Variants in CACNA2D1 observed in about 807,000 individuals in gnomAD.
The protein encoded by CACNA2D1 is voltage-dependent calcium channel subunit alpha-2/delta-1.
CACNA2D1 carries 53 observed loss-of-function variants against 171.5 expected under a neutral mutation model. That is an observed-to-expected ratio of 0.31 (90% confidence interval 0.25 to 0.39). The LOEUF (loss-of-function observed/expected upper bound fraction) is 0.39, where lower values mean the gene tolerates loss of function less well. CACNA2D1 is among the 10% of genes least tolerant of loss of function. The probability of loss-of-function intolerance (pLI) is 1.00; values close to 1 mark genes in which losing one functional copy is unlikely to be tolerated. For missense variants in CACNA2D1, 903 were observed against 1,299.8 expected (o/e 0.69, Z 4.69); for synonymous variants, 442 against 443.1 (o/e 1.00, Z 0.03).
chr7:82,317,957 A>G (rs1815317704), intron 3 of CACNA2D1, among the ~76,000 whole-genome samples: 1 of 151,292 alleles, frequency 6.6e-6, no homozygotes, highest in Admixed American at 6.6e-5. Flanking sequence ...GCTGACCTCC[A>G]TGGTTTACTT....
intron 4 of CACNA2D1, among the ~76,000 whole-genome samples, chr7:82,154,119 G>A (rs903617775): frequency 2.0e-5 from 3 of 152,100 alleles, no homozygotes; most frequent in Non-Finnish European, 4.4e-5. Context: ...CTGTAGGACC[G>A]TGAAAAACAT....
At chr7:82,320,952 T>C (rs1815755028) in intron 3 of CACNA2D1, among the ~76,000 whole-genome samples, 1 of 152,088 alleles carries the variant, frequency 6.6e-6, no homozygotes. Context: ...TTTATATATA[T>C]ATAAAGCCAA....
At chr7:81,987,030 T>A (rs2130696805) in intron 21 of CACNA2D1, among the ~76,000 whole-genome samples, 1 of 152,258 alleles carries the variant, frequency 6.6e-6, no homozygotes, top group South Asian at 2.1e-4. Context: ...TAAGCTTGGG[T>A]TACATCTAAT....
chr7:82,146,001 A>T (rs1225733891), intron 4 of CACNA2D1, among the ~76,000 whole-genome samples: 1 of 151,976 alleles, frequency 6.6e-6, no homozygotes, highest in Non-Finnish European at 1.5e-5. Flanking sequence ...GCATAATTGT[A>T]ATATTTTAGT....
chr7:82,108,180 TTG>T (rs1787969908), intron 6 of CACNA2D1, among the ~76,000 whole-genome samples: 1 of 152,194 alleles, frequency 6.6e-6, no homozygotes, highest in African/African-American at 2.4e-5. Flanking sequence ...TGAAACATAC[TTG>T]TGAGAGGTAA....
intron 21 of CACNA2D1, among the ~76,000 whole-genome samples, chr7:81,990,758 T>C (rs1048322874): frequency 2.6e-5 from 4 of 152,170 alleles, no homozygotes; most frequent in Admixed American, 6.5e-5. Context: ...GGAATCACAA[T>C]ATTATAGAAC....
intron 3 of CACNA2D1, among the ~76,000 whole-genome samples, chr7:82,226,028 TA>T (rs985192084): frequency 1.3e-5 from 2 of 150,370 alleles, no homozygotes; most frequent in Non-Finnish European, 2.9e-5. Flanking sequence ...GTATTTTAAT[TA>T]TTTTTTTTGA....
intron 31 of CACNA2D1, among the ~76,000 whole-genome samples, chr7:81,966,947 T>G (rs571228510): frequency 1.2e-4 from 18 of 151,500 alleles, no homozygotes; most frequent in Non-Finnish European, 2.1e-4. Context: ...ACATGACCAT[T>G]TTTTTACCTT....
At chr7:82,217,987 T>C (rs899633617) in intron 3 of CACNA2D1, among the ~76,000 whole-genome samples, 4 of 151,742 alleles carry the variant, frequency 2.6e-5, no homozygotes, top group African/African-American at 7.3e-5. Context: ...CAGGCTGGAG[T>C]GCAGTGGTGC....
chr7:81,991,227 T>C lies in CACNA2D1; in HGVS notation c.1754A>G (p.Asn585Ser), dbSNP rs772578121. Residue 585 changes from asparagine to serine, a missense_variant, in exon 21 of 39, where the codon AAC becomes AGC. Asn to Ser is a conservative substitution (Grantham distance 46). Coordinates refer to ENST00000356860, the MANE Select transcript of CACNA2D1 (RefSeq NM_000722.4). ...GACAGGTGTCCATGTGTATGTCCTG[T>C]TTCCTTTGTCAATATATCTCTAGAA... The part of the protein sequence containing the change: ...SQDERYIDKG[N>S]RTYTWTPVNG... The C allele has an allele frequency of 6.5e-7, 1 of 1,534,438 alleles. No homozygotes were observed. Among genetic ancestry groups the C allele is most frequent in the Admixed American group, 1.7e-5 (1 of 59,918 alleles).
chr7:82,002,637 A>T (rs1294395010), intron 18 of CACNA2D1, among the ~76,000 whole-genome samples: 1 of 152,208 alleles, frequency 6.6e-6, no homozygotes, highest in Admixed American at 6.5e-5. Flanking sequence ...CTTAGAATTG[A>T]ACAAAATGAG....
intron 4 of CACNA2D1, among the ~76,000 whole-genome samples, chr7:82,154,133 G>A (rs113274219): frequency 6.6e-6 from 1 of 152,142 alleles, no homozygotes; most frequent in African/African-American, 2.4e-5. Flanking sequence ...AAAACATAAT[G>A]TGTGTAGTTC....
intron 3 of CACNA2D1, among the ~76,000 whole-genome samples, chr7:82,309,362 T>C (rs559312657): frequency 1.3e-5 from 2 of 151,808 alleles, no homozygotes; most frequent in Non-Finnish European, 2.9e-5. Context: ...GCCAAGATCA[T>C]GCCATTGCAC....
At chr7:81,975,680 T>G (rs1795767587) in intron 24 of CACNA2D1, among the ~76,000 whole-genome samples, 1 of 152,204 alleles carries the variant, frequency 6.6e-6, no homozygotes, top group South Asian at 2.1e-4. Flanking sequence ...CGTGATTTTG[T>G]AAAATCATAA....
chr7:82,258,248 T>C (rs1326114584), intron 3 of CACNA2D1, among the ~76,000 whole-genome samples: 1 of 152,096 alleles, frequency 6.6e-6, no homozygotes, highest in Non-Finnish European at 1.5e-5. Flanking sequence ...TCCTTCCCAT[T>C]TCCTTTATAA....
chr7:82,146,394 A>G lies in CACNA2D1; in HGVS notation c.355-9718T>C, dbSNP rs559183477. ...CATATACATATTTATATTTATATAT[A>G]TAAAGATATATATTTATATATATCT... On this transcript the variant is annotated intron_variant, in intron 4 of 38. Transcript: ENST00000356860. Among the ~76,000 whole-genome samples the G allele has an allele frequency of 7.4e-4, 108 of 146,016 alleles. No homozygotes were observed. The South Asian group carries it at 0.012, about 16-fold the overall frequency.
At chr7:82,006,564 G>A (rs2130876090) in intron 16 of CACNA2D1, among the ~76,000 whole-genome samples, 1 of 152,162 alleles carries the variant, frequency 6.6e-6, no homozygotes, top group Non-Finnish European at 1.5e-5. Context: ...ATAAAATCTA[G>A]TAATTACAAA....
rs140676138 is a variant in CACNA2D1, at chr7:82,175,889, T to C, written c.295-5280A>G. ...CGTAGAATAGGCTATGTCAGAACTA[T>C]AATCACCAATGACCTCTTCAACACG... On this transcript the variant is annotated intron_variant, in intron 3 of 38. Coordinates refer to ENST00000356860, the MANE Select transcript of CACNA2D1 (RefSeq NM_000722.4). Among the ~76,000 whole-genome samples the C allele has an allele frequency of 4.8e-3, 735 of 152,038 alleles. 7 individuals are homozygous for C. Among genetic ancestry groups the C allele is most frequent in the African/African-American group, 0.017 (705 of 41,538 alleles).
At chr7:82,324,884 ACACT>A (rs1224063711) in intron 3 of CACNA2D1, among the ~76,000 whole-genome samples, 1 of 152,172 alleles carries the variant, frequency 6.6e-6, no homozygotes, top group African/African-American at 2.4e-5. Context: ...AGTAAAATAG[ACACT>A]CACCAAATGC....
Sources: gnomAD v4.1 joint callset for allele counts (sites outside exome capture counted in the v4.1 genomes callset) on GRCh38, gnomAD v4.1.1 for gene constraint, MANE v1.5 for transcripts, NCBI Gene and HGNC (gene_info 2026-07-23, HGNC 2026-07-21) for gene names.